Variants in ZNF618 observed in about 807,000 individuals in gnomAD.
ZNF618 encodes neural precursor cell expressed, developmentally down-regulated 10.
A neutral mutation model predicts 103.0 loss-of-function variants in ZNF618; 34 were observed. The ratio of observed to expected loss-of-function variants is 0.33; its 90% CI spans 0.25 to 0.44. ZNF618 has a LOEUF of 0.44. Among genes scored for constraint, ZNF618 ranks in the 20% least tolerant of loss-of-function variants. ZNF618 has a pLI of 1.00. For synonymous variants in ZNF618, 551 were observed against 542.2 expected (o/e 1.02, Z -0.23); for missense variants, 1,059 against 1,295.4 (o/e 0.82, Z 2.80).
chr9:114,035,718 T>C (rs1422574465), intron 12 of ZNF618, among the ~76,000 whole-genome samples: 3 of 151,892 alleles, frequency 2.0e-5, no homozygotes, highest in Non-Finnish European at 4.4e-5. Context: ...CTTGTGCCTG[T>C]TCCTACGCGT....
At chr9:114,044,518 A>G (rs190438246) in intron 13 of ZNF618, among the ~76,000 whole-genome samples, 1 of 152,212 alleles carries the variant, frequency 6.6e-6, no homozygotes, top group East Asian at 1.9e-4. Flanking sequence ...TGCTTTGGCT[A>G]TGCAAGCTCT....
At chr9:114,020,723 A>G (rs144549110) in intron 10 of ZNF618, among the ~76,000 whole-genome samples, 4 of 152,040 alleles carry the variant, frequency 2.6e-5, no homozygotes. Context: ...TTTCTTTTGC[A>G]TATTGATGTC....
Position 114,002,550 on chromosome 9 carries a change from T to A in ZNF618, c.512-74T>A, listed in dbSNP as rs1841336910. 4.9e-6 allele frequency: 7 copies of A among 1,437,222 alleles called. No individual in the cohort carries two copies. The South Asian group carries it at 7.2e-5, about 15-fold the overall frequency. 89.0% of individuals were successfully genotyped at this position (1,437,222 alleles called of 1,614,324 possible). On this transcript the variant is annotated intron_variant, in intron 5 of 14. Transcript: ENST00000374126. ...CTCTTCCCCTGTGGCTTCCATGTTC[T>A]CTTTTGCACTTGGCACTGGCCCTGT...
chr9:113,912,139 A>T (rs917269245), intron 1 of ZNF618, among the ~76,000 whole-genome samples: 2 of 152,158 alleles, frequency 1.3e-5, no homozygotes, highest in Admixed American at 6.5e-5. Context: ...CTCTGCTTCA[A>T]GGGAAGTTGA....
At position 113,963,795 on chromosome 9, in the gene ZNF618, C is replaced by T. The variant is rs1837092022; in HGVS notation, c.34-5322C>T. On this transcript the variant is annotated intron_variant, in intron 1 of 14. Transcript: ENST00000374126. ...TGCCGAGTATTTGCCCTGTGCCAGGCCCTGAGCTGGGTGCTGGTGACATGG... is the reference window on the plus strand; with the variant it reads ...TGCCGAGTATTTGCCCTGTGCCAGGTCCTGAGCTGGGTGCTGGTGACATGG... Among the ~76,000 whole-genome samples, 6 of 152,090 alleles carry T rather than the reference C, an allele frequency of 3.9e-5. No homozygotes were observed. In the South Asian group the frequency reaches 1.2e-3, roughly 32 times the overall value.
intron 10 of ZNF618, chr9:114,028,373 C>T (rs1259481844): frequency 4.3e-6 from 1 of 231,038 alleles, no homozygotes; most frequent in East Asian, 9.4e-5. Flanking sequence ...AGCCAGCCTT[C>T]CTTTAAAGGA....
intron 1 of ZNF618, among the ~76,000 whole-genome samples, chr9:113,958,877 C>T (rs1445636516): frequency 2.6e-5 from 4 of 152,206 alleles, no homozygotes; most frequent in Non-Finnish European, 5.9e-5. Flanking sequence ...CATCGGAGGA[C>T]AGAATTCTGA....
At chr9:113,899,708 T>C (rs1830348319) in intron 1 of ZNF618, among the ~76,000 whole-genome samples, 2 of 152,164 alleles carry the variant, frequency 1.3e-5, no homozygotes, top group African/African-American at 2.4e-5. Context: ...AGGTACCTCA[T>C]AGAAGTGGAC....
At chr9:114,036,181 C>A in intron 12 of ZNF618, 119 bp from the exon 13 acceptor site, 1 of 873,066 alleles carries the variant, frequency 1.1e-6, no homozygotes, top group East Asian at 2.7e-5. Flanking sequence ...GGGCCCGGAG[C>A]CCTGAGCACA....
intron 1 of ZNF618, among the ~76,000 whole-genome samples, chr9:113,898,221 C>G (rs900190462): frequency 1.3e-5 from 2 of 152,156 alleles, no homozygotes; most frequent in Non-Finnish European, 2.9e-5. Context: ...AGATGTCTTT[C>G]TGTTTTCCAG....
intron 3 of ZNF618, among the ~76,000 whole-genome samples, chr9:113,990,657 G>T (rs545476006): frequency 1.3e-5 from 2 of 152,160 alleles, no homozygotes; most frequent in African/African-American, 4.8e-5. Context: ...AGAGACTTAC[G>T]CTGGCAATTA....
chr9:113,952,983 G>GCCTCC (rs1835914554), intron 1 of ZNF618, among the ~76,000 whole-genome samples: 1 of 152,228 alleles, frequency 6.6e-6, no homozygotes, highest in Admixed American at 6.5e-5. Flanking sequence ...GAGCCTTTTA[G>GCCTCC]AGTTGCTGGC....
At chr9:113,957,379 C>T (rs1836408938) in intron 1 of ZNF618, among the ~76,000 whole-genome samples, 1 of 152,042 alleles carries the variant, frequency 6.6e-6, no homozygotes, top group African/African-American at 2.4e-5. Flanking sequence ...ACTAAGTAGC[C>T]CAGGCAGAAT....
chr9:113,925,597 T>C lies in ZNF618; in HGVS notation c.34-43520T>C, dbSNP rs1176289701. On this transcript the variant is annotated intron_variant, in intron 1 of 14. Transcript: ENST00000374126. ...TTGTTCTTTGTTTCTTCTTTTGTCT[T>C]CCATTCTTTTTCTCCCTTCTCTGCA... is the stretch of plus-strand genomic sequence containing the variant. Among the ~76,000 whole-genome samples, 7 of 152,218 alleles carry C rather than the reference T, an allele frequency of 4.6e-5. No homozygotes were observed. In the East Asian group the frequency reaches 7.7e-4, roughly 17 times the overall value.
intron 1 of ZNF618, among the ~76,000 whole-genome samples, chr9:113,942,208 A>C (rs1279693018): frequency 2.0e-5 from 3 of 152,146 alleles, no homozygotes; most frequent in African/African-American, 4.8e-5. Context: ...TCCCCACTGA[A>C]AATGATGGAG....
intron 2 of ZNF618, among the ~76,000 whole-genome samples, chr9:113,976,946 T>C (rs1388627540): frequency 6.6e-6 from 1 of 152,164 alleles, no homozygotes; most frequent in African/African-American, 2.4e-5. Context: ...CTAGCAACGA[T>C]CCCTGCATCT....
intron 10 of ZNF618, among the ~76,000 whole-genome samples, chr9:114,027,514 C>T (rs1486279466): frequency 6.6e-6 from 1 of 152,242 alleles, no homozygotes; most frequent in Non-Finnish European, 1.5e-5. Flanking sequence ...AAATGAAGGA[C>T]CATAGAGTGG....
At chr9:113,913,210 C>T (rs568964696) in intron 1 of ZNF618, among the ~76,000 whole-genome samples, 17 of 152,248 alleles carry the variant, frequency 1.1e-4, no homozygotes, top group Admixed American at 5.2e-4. Context: ...CCTGCCCACA[C>T]GCAGGGAGGT....
intron 1 of ZNF618, among the ~76,000 whole-genome samples, chr9:113,959,166 G>A (rs988492810): frequency 2.0e-5 from 3 of 152,182 alleles, no homozygotes; most frequent in Admixed American, 1.3e-4. Context: ...GCGCATGCCT[G>A]TAATCCAAGC....
Sources: gnomAD v4.1 joint callset for allele counts (sites outside exome capture counted in the v4.1 genomes callset) on GRCh38, gnomAD v4.1.1 for gene constraint, MANE v1.5 for transcripts, NCBI Gene and HGNC (gene_info 2026-07-23, HGNC 2026-07-21) for gene names.